Variants in SLC22A2 observed in about 807,000 individuals in gnomAD.
The protein encoded by SLC22A2 is organic cation transporter 2.
Under a neutral mutation model 60.5 loss-of-function variants are expected in SLC22A2, and 46 were observed. The ratio of observed to expected loss-of-function variants is 0.76; its 90% CI spans 0.60 to 0.97. The LOEUF is 0.97. SLC22A2 is among the 50% of genes least tolerant of loss of function. The pLI is 0.00. For synonymous variants in SLC22A2, 303 were observed against 267.0 expected (o/e 1.13, Z -1.31); for missense variants, 701 against 706.6 (o/e 0.99, Z 0.09).
At chr6:160,237,749 A>C (rs569036305) in intron 9 of SLC22A2, among the ~76,000 whole-genome samples, 1 of 152,334 alleles carries the variant, frequency 6.6e-6, no homozygotes, top group Admixed American at 6.5e-5. Flanking sequence ...CTGCATTCCC[A>C]GACAGTTAGG....
chr6:160,253,583 A>G (rs577352614), intron 2 of SLC22A2, among the ~76,000 whole-genome samples: 4 of 152,308 alleles, frequency 2.6e-5, no homozygotes, highest in African/African-American at 9.6e-5. Flanking sequence ...ATCACAACAC[A>G]TAAAAGTAGG....
chr6:160,250,207 T>C (rs1449399495), intron 3 of SLC22A2, among the ~76,000 whole-genome samples: 1 of 152,240 alleles, frequency 6.6e-6, no homozygotes, highest in Non-Finnish European at 1.5e-5. Flanking sequence ...AAATCTACTA[T>C]ATCTCTCATC....
intron 3 of SLC22A2, 70 bp downstream of exon 3, chr6:160,250,478 C>T (rs1783164314): frequency 1.4e-6 from 2 of 1,476,508 alleles, no homozygotes; most frequent in Non-Finnish European, 1.9e-6. Context: ...TTGCATGCCG[C>T]CCCCCACCTG....
intron 1 of SLC22A2, chr6:160,258,030 G>T (rs867424912): frequency 2.3e-4 from 69 of 301,906 alleles, no homozygotes; most frequent in Middle Eastern, 9.8e-4. Context: ...AGAAAAAGAG[G>T]AGGATCCACA....
chr6:160,237,450 G>A (rs1782928161), intron 9 of SLC22A2, among the ~76,000 whole-genome samples: 1 of 152,110 alleles, frequency 6.6e-6, no homozygotes, highest in African/African-American at 2.4e-5. Flanking sequence ...TAATCTTTCA[G>A]ATATCACTTT....
At chr6:160,253,421 A>C in intron 2 of SLC22A2, among the ~76,000 whole-genome samples, 1 of 152,194 alleles carries the variant, frequency 6.6e-6, no homozygotes, top group East Asian at 1.9e-4. Flanking sequence ...TTGCCATGGC[A>C]ATAGTAAACC....
intron 9 of SLC22A2, among the ~76,000 whole-genome samples, chr6:160,226,431 G>A (rs971068792): frequency 6.6e-6 from 1 of 152,188 alleles, no homozygotes; most frequent in Non-Finnish European, 1.5e-5. Flanking sequence ...TAGGCAGCAG[G>A]CAAGGTGAAC....
chr6:160,218,930 G>C (rs1331930289), intron 10 of SLC22A2, among the ~76,000 whole-genome samples: 1 of 37,490 alleles, frequency 2.7e-5, no homozygotes, highest in Non-Finnish European at 8.1e-5. Flanking sequence ...AGCAGCAACA[G>C]AAGTAGCAGT....
Position 160,249,200 on chromosome 6 carries a change from T to C in SLC22A2, c.842+16A>G. On this transcript the variant is annotated intron_variant, in intron 4 of 10. Transcript: ENST00000366953. The stretch of plus-strand genomic sequence containing the variant: ...AATACTTTGATTTATTTCCTTTTTA[T>C]TCCAAATGGACTTACCAGTAATAGA... 6.5e-7 allele frequency: 1 copy of C among 1,539,188 alleles called. No homozygotes were observed. Among genetic ancestry groups the C allele is most frequent in the Non-Finnish European group, 8.8e-7 (1 of 1,133,094 alleles).
rs747694612 is a variant in SLC22A2, at chr6:160,243,789, G to A, written c.1065-3C>T. 6 of 1,608,556 alleles carry A rather than the reference G, an allele frequency of 3.7e-6. No homozygotes were observed. Among genetic ancestry groups the A allele is most frequent in the Middle Eastern group, 3.7e-4 (2 of 5,382 alleles). On this transcript the variant is annotated splice_region_variant and splice_polypyrimidine_tract_variant and intron_variant, in intron 6 of 10. Transcript: ENST00000366953. ...GGTAGAGCACAGAGCTCGTGAACCT[G>A]AGCAAAGAGGAGAGTTCAGGTCAAG...
Position 160,258,346 on chromosome 6 carries a change from C to T in SLC22A2, c.412G>A (p.Glu138Lys), listed in dbSNP as rs1344064299. The T allele has an allele frequency of 1.9e-6, 3 of 1,604,976 alleles. No homozygotes were observed. Among genetic ancestry groups the T allele is most frequent in the South Asian group, 1.1e-5 (1 of 89,682 alleles). Residue 138 changes from glutamate (E) to lysine (K), a missense_variant and splice_region_variant, in exon 1 of 11, where the codon GAG (glutamate) becomes AAG (lysine). Glu to Lys is a moderately conservative substitution (Grantham distance 56). Coordinates refer to ENST00000366953, the MANE Select transcript of SLC22A2 (RefSeq NM_003058.4). The stretch of plus-strand genomic sequence containing the variant: ...GAGCCCTGAGCTCACTCTCTTACCT[C>T]GGTGACGATGGACGAGCCAGGCGTC... The part of the protein sequence containing the change: ...YETPGSSIVT[E>K]FNLVCANSWM...
chr6:160,242,347 C>A lies in SLC22A2; in HGVS notation c.1335G>T (p.Met445Ile). Residue 445 changes from methionine (M) to isoleucine (I), a missense_variant, in exon 8 of 11, where the codon ATG becomes ATT. By Grantham distance (10) the Met-to-Ile change is conservative. Transcript: ENST00000366953. ...ISCLGRMGIT[M>I]AYEIVCLVNA... ...TGACCAGGCAGACTATCTCATAGGC[C>A]ATTGTGATCCCCATTCTTCCCAAGC... is the stretch of plus-strand genomic sequence containing the variant. 1 of 1,611,068 alleles carries A rather than the reference C, an allele frequency of 6.2e-7. No individual in the cohort carries two copies. Among genetic ancestry groups the A allele is most frequent in the Non-Finnish European group, 8.5e-7 (1 of 1,177,294 alleles).
At chr6:160,228,236 G>A (rs1163227684) in intron 9 of SLC22A2, among the ~76,000 whole-genome samples, 4 of 152,190 alleles carry the variant, frequency 2.6e-5, no homozygotes, top group Non-Finnish European at 1.5e-5. Context: ...CCTGAAGGGA[G>A]GATACTGAGG....
At position 160,258,530 on chromosome 6, in the gene SLC22A2, C is replaced by G; in HGVS notation, c.228G>C (p.Pro76=). ...AGGCTTCGCCCGCAGGTCCTGGGCC[C>G]GGCACCGTGTAGTTCAGTTCCTCTG... ...SPAEELNYTV[P]GPGPAGEASP... The change falls in exon 1 of 11, where the codon CCG becomes CCC. Residue 76 remains proline, a synonymous_variant. Transcript: ENST00000366953. 6.2e-7 allele frequency: 1 copy of G among 1,614,096 alleles called. No homozygotes were observed.
At chr6:160,234,120 G>A (rs1782872119) in intron 9 of SLC22A2, among the ~76,000 whole-genome samples, 1 of 151,362 alleles carries the variant, frequency 6.6e-6, no homozygotes, top group Admixed American at 6.6e-5. Flanking sequence ...TGAGCACATT[G>A]TGACCCCCGC....
intron 2 of SLC22A2, among the ~76,000 whole-genome samples, chr6:160,256,383 G>T (rs890263606): frequency 6.6e-6 from 1 of 152,194 alleles, no homozygotes; most frequent in African/African-American, 2.4e-5. Context: ...GATTTGCTGT[G>T]TAATGTTGAA....
In SLC22A2 at chr6:160,258,531, G is replaced by A. The variant is rs776485194; in HGVS notation, c.227C>T (p.Pro76Leu). ...GGCTTCGCCCGCAGGTCCTGGGCCC[G>A]GCACCGTGTAGTTCAGTTCCTCTGC... ...SPAEELNYTV[P>L]GPGPAGEASP... Residue 76 changes from proline (P) to leucine (L), a missense_variant, in exon 1 of 11, where the codon CCG becomes CTG. Transcript: ENST00000366953. 5.0e-6 allele frequency: 8 copies of A among 1,614,080 alleles called. No individual in the cohort carries two copies. Among genetic ancestry groups the A allele is most frequent in the Admixed American group, 1.7e-5 (1 of 60,024 alleles).
chr6:160,245,407 G>T, intron 6 of SLC22A2, 32 bp downstream of exon 6: 1 of 1,202,052 alleles, frequency 8.3e-7, no homozygotes, highest in Non-Finnish European at 1.2e-6. Flanking sequence ...AAAACAATTT[G>T]GAGGCATTTC....
At chr6:160,220,445 T>A (rs981340636) in intron 10 of SLC22A2, among the ~76,000 whole-genome samples, 3 of 152,228 alleles carry the variant, frequency 2.0e-5, no homozygotes, top group Non-Finnish European at 4.4e-5. Context: ...AGGGCTGTAA[T>A]CAACTTCTTC....
Sources: gnomAD v4.1 joint callset for allele counts (sites outside exome capture counted in the v4.1 genomes callset) on GRCh38, gnomAD v4.1.1 for gene constraint, MANE v1.5 for transcripts, NCBI Gene and HGNC (gene_info 2026-07-23, HGNC 2026-07-21) for gene names.